The following KIAA1328 variants were observed in gnomAD, a reference collection of about 807,000 sequenced individuals.
KIAA1328 encodes protein hinderin.
Under a neutral mutation model 68.1 loss-of-function variants are expected in KIAA1328, and 52 were observed. The observed-to-expected ratio is 0.76, with a 90% confidence interval of 0.61 to 0.96. The LOEUF is 0.96. Ranked by LOEUF, KIAA1328 falls within the 40% of genes least tolerant of loss-of-function variation. The pLI is 0.00. For missense variants in KIAA1328, 641 were observed against 677.6 expected (o/e 0.95, Z 0.60); for synonymous variants, 232 against 239.4 (o/e 0.97, Z 0.28).
chr18:37,107,702 A>G (rs2057811087), intron 7 of KIAA1328, among the ~76,000 whole-genome samples: 2 of 152,230 alleles, frequency 1.3e-5, no homozygotes, highest in Non-Finnish European at 1.5e-5. Flanking sequence ...ATATTTGCAC[A>G]TGGATTTGTG....
chr18:36,934,031 G>A (rs1217563911), intron 5 of KIAA1328, among the ~76,000 whole-genome samples: 1 of 152,160 alleles, frequency 6.6e-6, no homozygotes, highest in Non-Finnish European at 1.5e-5. Context: ...TAACTCTCCA[G>A]GATGATCCCC....
intron 6 of KIAA1328, among the ~76,000 whole-genome samples, chr18:37,029,772 C>T (rs566017994): frequency 2.6e-5 from 4 of 152,176 alleles, no homozygotes; most frequent in South Asian, 2.1e-4. Flanking sequence ...CTCCTTTTTC[C>T]GTATTCTCAG....
chr18:37,112,513 G>C (rs1001421792), intron 7 of KIAA1328, among the ~76,000 whole-genome samples: 4 of 152,184 alleles, frequency 2.6e-5, no homozygotes, highest in Non-Finnish European at 4.4e-5. Flanking sequence ...TCACCATCAT[G>C]AAAGACCAAA....
intron 5 of KIAA1328, among the ~76,000 whole-genome samples, chr18:36,891,616 C>T (rs2048689702): frequency 1.3e-5 from 2 of 152,182 alleles, no homozygotes; most frequent in African/African-American, 4.8e-5. Flanking sequence ...CAGCTCCATC[C>T]AAGTGGCAGC....
At chr18:37,162,570 T>A (rs1190557408) in intron 8 of KIAA1328, among the ~76,000 whole-genome samples, 2 of 152,166 alleles carry the variant, frequency 1.3e-5, no homozygotes, top group African/African-American at 4.8e-5. Context: ...ATGGGAGATA[T>A]AAACTTTCCA....
chr18:37,196,511 A>C (rs888616820), intron 9 of KIAA1328, among the ~76,000 whole-genome samples: 1 of 152,092 alleles, frequency 6.6e-6, no homozygotes. Context: ...GTTGAATTTT[A>C]TTGAATGCCT....
At chr18:36,878,496 GT>G (rs2048217705) in intron 4 of KIAA1328, among the ~76,000 whole-genome samples, 1 of 152,018 alleles carries the variant, frequency 6.6e-6, no homozygotes, top group Non-Finnish European at 1.5e-5. Context: ...GTGTCTTGGG[GT>G]TACTCTTCTC....
intron 7 of KIAA1328, among the ~76,000 whole-genome samples, chr18:37,116,841 G>T (rs2058123447): frequency 6.6e-6 from 1 of 152,126 alleles, no homozygotes; most frequent in Admixed American, 6.6e-5. Flanking sequence ...TCCATCAAAA[G>T]TGGGTGAAGG....
rs182988199 is a variant in KIAA1328 at position 36,892,726 on chromosome 18, G to T, written c.448+7054G>T. 1.3e-3 allele frequency among the ~76,000 whole-genome samples: 201 copies of T among 152,216 alleles called. 2 individuals are homozygous for T. Among genetic ancestry groups the T allele is most frequent in the African/African-American group, 4.7e-3 (196 of 41,540 alleles). ...TTGTTATTATAAATTGTCCTGGAAT[G>T]ACATTTTATATCAGACTAACAGTTT... is the stretch of plus-strand genomic sequence containing the variant. On this transcript the variant is annotated intron_variant, in intron 5 of 9. Coordinates refer to ENST00000280020, the MANE Select transcript of KIAA1328 (RefSeq NM_020776.3).
At chr18:37,231,502 G>A (rs1402948974), downstream of KIAA1328, 1 of 152,318 alleles carries the variant, frequency 6.6e-6, no homozygotes, top group African/African-American at 2.4e-5. Context: ...GTGCCAAGAG[G>A]GAGGTCCTTG....
chr18:37,049,137 T>G (rs1205122608), intron 6 of KIAA1328, among the ~76,000 whole-genome samples: 2 of 152,150 alleles, frequency 1.3e-5, no homozygotes, highest in Non-Finnish European at 2.9e-5. Context: ...AGTTCACAGT[T>G]TAAGAGAACT....
At chr18:37,050,820 T>C (rs2055662805) in intron 6 of KIAA1328, among the ~76,000 whole-genome samples, 1 of 152,202 alleles carries the variant, frequency 6.6e-6, no homozygotes, top group African/African-American at 2.4e-5. Flanking sequence ...TTGCTCTAAG[T>C]CTGTTCATTG....
At chr18:37,032,562 C>G (rs1316918891) in intron 6 of KIAA1328, among the ~76,000 whole-genome samples, 1 of 151,538 alleles carries the variant, frequency 6.6e-6, no homozygotes, top group African/African-American at 2.4e-5. Flanking sequence ...TTCTTTCTGA[C>G]TTAGCAATTT....
At chr18:37,063,993 G>C (rs1285089934) in intron 6 of KIAA1328, among the ~76,000 whole-genome samples, 6 of 152,084 alleles carry the variant, frequency 3.9e-5, no homozygotes, top group Admixed American at 3.9e-4. Flanking sequence ...ACCATACTAA[G>C]TAGCAGGTGA....
chr18:37,162,233 T>C (rs533459450), intron 8 of KIAA1328, among the ~76,000 whole-genome samples: 4 of 152,012 alleles, frequency 2.6e-5, no homozygotes, highest in African/African-American at 4.8e-5. Flanking sequence ...CCATTAGGTT[T>C]TTTTTCCCCT....
intron 4 of KIAA1328, among the ~76,000 whole-genome samples, chr18:36,852,414 C>A (rs931092093): frequency 4.6e-5 from 7 of 152,138 alleles, no homozygotes; most frequent in Admixed American, 3.3e-4. Flanking sequence ...CTTATAAAGG[C>A]AGAATGTTAG....
intron 6 of KIAA1328, among the ~76,000 whole-genome samples, chr18:36,975,372 C>T (rs1361001326): frequency 6.6e-6 from 1 of 151,766 alleles, no homozygotes; most frequent in Non-Finnish European, 1.5e-5. Context: ...TTAGTAGAGA[C>T]GGGGTTTCAC....
intron 9 of KIAA1328, among the ~76,000 whole-genome samples, chr18:37,212,300 A>G (rs972460874): frequency 6.6e-6 from 1 of 152,256 alleles, no homozygotes; most frequent in Non-Finnish European, 1.5e-5. Context: ...TGTGACAATA[A>G]AAGCTGCAAA....
At chr18:37,040,617 T>C (rs1285654674) in intron 6 of KIAA1328, among the ~76,000 whole-genome samples, 1 of 151,956 alleles carries the variant, frequency 6.6e-6, no homozygotes, top group Non-Finnish European at 1.5e-5. Flanking sequence ...CACTTTGTTC[T>C]TTTTCTAGCT....
Sources: gnomAD v4.1 joint callset for allele counts (sites outside exome capture counted in the v4.1 genomes callset) on GRCh38, gnomAD v4.1.1 for gene constraint, MANE v1.5 for transcripts, NCBI Gene and HGNC (gene_info 2026-07-23, HGNC 2026-07-21) for gene names.